Variants in NPIPB13 observed in about 807,000 individuals in gnomAD.
The protein encoded by NPIPB13 is nuclear pore complex interacting protein family, member B13.
intron 3 of NPIPB13, among the ~76,000 whole-genome samples, chr16:30,232,487 G>C (rs1488924007): frequency 2.7e-5 from 4 of 146,140 alleles, no homozygotes; most frequent in Admixed American, 2.7e-4. Flanking sequence ...AAAAAAATAG[G>C]CCAGATGCGG....
intron 3 of NPIPB13, among the ~76,000 whole-genome samples, chr16:30,232,432 C>G (rs1782238449): frequency 6.9e-6 from 1 of 144,418 alleles, no homozygotes; most frequent in Non-Finnish European, 1.5e-5. Context: ...CCATTGCACT[C>G]CAACCTGGGC....
chr16:30,245,951 C>T (rs2073611237), upstream of NPIPB13: 1 of 25,076 alleles, frequency 4.0e-5, no homozygotes, highest in African/African-American at 9.9e-5. Context: ...GTGCCTGAAA[C>T]CTACAAAAAA....
chr16:30,229,267 C>CT (rs1365410031), intron 5 of NPIPB13, among the ~76,000 whole-genome samples: 7 of 72,948 alleles, frequency 9.6e-5, no homozygotes, highest in Admixed American at 7.8e-4. Context: ...GGTAAGTTTG[C>CT]TGTGTTGCCC....
chr16:30,230,702 CA>C (rs57215822), intron 5 of NPIPB13, among the ~76,000 whole-genome samples: 4 of 114 alleles, frequency 0.035, no homozygotes, highest in East Asian at 0.25. Flanking sequence ...GACTCTGTCT[CA>C]AAAAAAAAAA....
chr16:30,223,126 CT>C lies in NPIPB13; in HGVS notation c.3319del (p.Arg1107GlyfsTer31). 4.2e-6 allele frequency: 1 copy of C among 240,558 alleles called. No homozygotes were observed. Among genetic ancestry groups the C allele is most frequent in the Non-Finnish European group, 7.5e-6 (1 of 133,694 alleles). 14.9% of individuals were successfully genotyped at this position (240,558 alleles called of 1,614,324 possible). A position where few individuals can be genotyped will look rare whatever the true frequency, so the allele number is the denominator to read the frequency against. ...GCGTGACGGTTCCACGTCACCGACC[CT>C]CCGCCTCTTGGGTTCGGGTGATGAT... On this transcript the variant is annotated frameshift_variant, in exon 8 of 8. Transcript: ENST00000520915. LOFTEE classifies it high-confidence loss of function.
upstream of NPIPB13, among the ~76,000 whole-genome samples, chr16:30,246,968 G>GA (rs1396220467): frequency 2.5e-5 from 2 of 79,864 alleles, no homozygotes; most frequent in Non-Finnish European, 4.6e-5. Flanking sequence ...GCATGTTTTA[G>GA]AAAAAAATCC....
At chr16:30,231,177 G>GT (rs2073550699) in intron 5 of NPIPB13, among the ~76,000 whole-genome samples, 2 of 12,894 alleles carry the variant, frequency 1.6e-4, no homozygotes, top group African/African-American at 3.5e-4. Flanking sequence ...CTCCATCTCA[G>GT]GAAAAAAAAA....
chr16:30,237,389 G>A lies in NPIPB13; in HGVS notation c.121-1810C>T, dbSNP rs1371589063. ...AGTTCCAGCTACTTGGGAGGCTGAGGCAGAAGAATCACTTGAACCCGGGAG... is the reference window on the plus strand; with the variant it reads ...AGTTCCAGCTACTTGGGAGGCTGAGACAGAAGAATCACTTGAACCCGGGAG... On this transcript the variant is annotated intron_variant, in intron 2 of 7. Transcript: ENST00000520915. Among the ~76,000 whole-genome samples the A allele has an allele frequency of 1.5e-3, 6 of 3,896 alleles. 2 individuals are homozygous for A. Among genetic ancestry groups the A allele is most frequent in the African/African-American group, 5.6e-3 (6 of 1,068 alleles). 2.6% of individuals were successfully genotyped at this position (3,896 alleles called of 152,430 possible).
chr16:30,232,367 G>A (rs1167051237), intron 3 of NPIPB13, among the ~76,000 whole-genome samples: 1 of 120,910 alleles, frequency 8.3e-6, no homozygotes, highest in East Asian at 2.4e-4. Context: ...GGGAGGCTGA[G>A]GCAGGAGAAT....
chr16:30,244,853 A>ATTT (rs1259467913), intron 2 of NPIPB13, among the ~76,000 whole-genome samples: 68 of 72,650 alleles, frequency 9.4e-4, no homozygotes, highest in African/African-American at 3.5e-3. Flanking sequence ...TTGCAGGATA[A>ATTT]TTTTTTTTTT....
intron 5 of NPIPB13, among the ~76,000 whole-genome samples, chr16:30,230,877 TAAAAAA>T (rs1200193892): frequency 1.8e-5 from 1 of 55,036 alleles, no homozygotes; most frequent in South Asian, 5.8e-4. Flanking sequence ...ATCTCAAAAT[TAAAAAA>T]AAAAAAAAAA....
At chr16:30,232,550 A>G (rs1173809568) in intron 3 of NPIPB13, among the ~76,000 whole-genome samples, 1 of 92,276 alleles carries the variant, frequency 1.1e-5, no homozygotes, top group Admixed American at 1.3e-4. Flanking sequence ...GGTGAATCAC[A>G]AGGTCAAGAG....
At chr16:30,227,232 TGA>T in intron 6 of NPIPB13, 33 bp from the exon 7 acceptor site, 1 of 25,452 alleles carries the variant, frequency 3.9e-5, no homozygotes, top group South Asian at 1.1e-4. Context: ...AATTGAATGT[TGA>T]GAGAGTCTAA....
At chr16:30,232,563 G>C (rs2073560841) in intron 3 of NPIPB13, among the ~76,000 whole-genome samples, 1 of 85,472 alleles carries the variant, frequency 1.2e-5, no homozygotes, top group Non-Finnish European at 2.9e-5. Flanking sequence ...GTCAAGAGAT[G>C]GAGACCATCC....
chr16:30,232,393 G>A (rs2073557913), intron 3 of NPIPB13, among the ~76,000 whole-genome samples: 1 of 138,412 alleles, frequency 7.2e-6, no homozygotes, highest in East Asian at 2.1e-4. Flanking sequence ...GAACCCAGCA[G>A]GAAAAGCTTG....
At chr16:30,238,284 AAAT>A (rs2073580337) in intron 2 of NPIPB13, among the ~76,000 whole-genome samples, 1 of 115,028 alleles carries the variant, frequency 8.7e-6, no homozygotes, top group African/African-American at 3.7e-5. Flanking sequence ...ATAAATAAAT[AAAT>A]AAATAAATAA....
Position 30,223,115 on chromosome 16 carries a change from CGT to C in NPIPB13, c.3329_3330del (p.Asp1110GlyfsTer14). On this transcript the variant is annotated frameshift_variant, in exon 8 of 8. Coordinates refer to ENST00000520915, the Ensembl canonical transcript of NPIPB13. LOFTEE classifies it high-confidence loss of function. ...CTCTTGGGTTTGCGTGACGGTTCCA[CGT>C]CACCGACCCTCCGCCTCTTGGGTTC... is the stretch of plus-strand genomic sequence containing the variant. The C allele has an allele frequency of 3.9e-6, 1 of 258,888 alleles. No homozygotes were observed. Among genetic ancestry groups the C allele is most frequent in the Non-Finnish European group, 6.8e-6 (1 of 146,608 alleles). The allele number at this position is 258,888 out of a possible 1,614,324, so 16.0% of individuals were successfully genotyped here. A position where few individuals can be genotyped will look rare whatever the true frequency, so the allele number is the denominator to read the frequency against.
At chr16:30,237,122 TAA>T (rs1250773833) in intron 2 of NPIPB13, among the ~76,000 whole-genome samples, 1 of 562 alleles carries the variant, frequency 1.8e-3, no homozygotes, top group Non-Finnish European at 0.01. Flanking sequence ...TCAGCATAAG[TAA>T]AAAAAAAAAA....
chr16:30,238,014 T>TCATTACAAAA (rs1230384826), intron 2 of NPIPB13, among the ~76,000 whole-genome samples: 1 of 44,518 alleles, frequency 2.2e-5, no homozygotes, highest in Admixed American at 1.8e-4. Context: ...GGTTCACGCC[T>TCATTACAAAA]GTAATCCCAA....
Sources: gnomAD v4.1 joint callset for allele counts (sites outside exome capture counted in the v4.1 genomes callset) on GRCh38, gnomAD v4.1.1 for gene constraint, MANE v1.5 for transcripts, NCBI Gene and HGNC (gene_info 2026-07-23, HGNC 2026-07-21) for gene names.